TRIM44: variants seen among roughly 807,000 people sequenced by gnomAD.
TRIM44 encodes tripartite motif containing 44.
TRIM44 carries 13 observed loss-of-function variants against 37.4 expected under a neutral mutation model. The observed-to-expected ratio is 0.35, with a 90% CI of 0.23 to 0.55. The LOEUF is 0.55. Among genes scored for constraint, TRIM44 ranks in the 20% least tolerant of loss-of-function variants. The pLI, the probability that TRIM44 is intolerant of heterozygous loss-of-function variation, is 0.89. For missense variants in TRIM44, 426 were observed against 437.2 expected (o/e 0.97, Z 0.23); for synonymous variants, 175 against 157.2 (o/e 1.11, Z -0.85).
At chr11:35,770,543 T>G (rs1565013531) in intron 4 of TRIM44, among the ~76,000 whole-genome samples, 1 of 152,234 alleles carries the variant, frequency 6.6e-6, no homozygotes, top group Non-Finnish European at 1.5e-5. Flanking sequence ...CTCCATAGCC[T>G]CACCAGCATC....
chr11:35,753,528 G>A (rs1026074674), intron 4 of TRIM44, among the ~76,000 whole-genome samples: 5 of 152,128 alleles, frequency 3.3e-5, no homozygotes, highest in African/African-American at 4.8e-5. Flanking sequence ...ATTTTTGCTA[G>A]GAACCAATAT....
At chr11:35,780,241 T>C (rs543820491) in intron 4 of TRIM44, among the ~76,000 whole-genome samples, 1 of 152,352 alleles carries the variant, frequency 6.6e-6, no homozygotes, top group South Asian at 2.1e-4. Context: ...AAAATAGATT[T>C]ATAAGCCTAC....
intron 4 of TRIM44, among the ~76,000 whole-genome samples, chr11:35,742,491 TATATAATTATATTAA>T (rs1470707540): frequency 1.3e-4 from 18 of 134,688 alleles, no homozygotes; most frequent in East Asian, 4.1e-4. Context: ...AATTGTATTA[TATATAATTATATTAA>T]ATATAATTAT....
In TRIM44 at chr11:35,663,651, G is replaced by A. The variant is rs367638428; in HGVS notation, c.540G>A (p.Pro180=). 2 of 1,614,136 alleles carry A rather than the reference G, an allele frequency of 1.2e-6. No homozygotes were observed. Among genetic ancestry groups the A allele is most frequent in the Non-Finnish European group, 1.7e-6 (2 of 1,180,028 alleles). The stretch of plus-strand genomic sequence containing the variant: ...AGAGAGTGGCCAAGAGGAAGTGTCC[G>A]GACCATGGGCTTGATTTGAGTACCT... The part of the protein sequence containing the change: ...EAERVAKRKC[P]DHGLDLSTYC... Residue 180 remains proline (P), a synonymous_variant, in exon 1 of 5, where the codon CCG becomes CCA. Coordinates refer to ENST00000299413, the MANE Select transcript of TRIM44 (RefSeq NM_017583.6).
chr11:35,724,648 A>C (rs1852148336), intron 2 of TRIM44, among the ~76,000 whole-genome samples: 1 of 152,210 alleles, frequency 6.6e-6, no homozygotes, highest in Non-Finnish European at 1.5e-5. Context: ...ATAATTTCTC[A>C]CTTTGTTAGC....
intron 2 of TRIM44, among the ~76,000 whole-genome samples, chr11:35,722,167 A>G (rs904897047): frequency 6.6e-6 from 1 of 152,200 alleles, no homozygotes; most frequent in East Asian, 1.9e-4. Context: ...TTTTAGAACA[A>G]TGGCCTTTCA....
chr11:35,672,269 C>G (rs879464820), intron 1 of TRIM44, among the ~76,000 whole-genome samples: 3 of 152,096 alleles, frequency 2.0e-5, no homozygotes, highest in Non-Finnish European at 2.9e-5. Context: ...AAATGGAACA[C>G]CATTTGCCTT....
chr11:35,751,666 A>C (rs1852561071), intron 4 of TRIM44, among the ~76,000 whole-genome samples: 1 of 152,252 alleles, frequency 6.6e-6, no homozygotes, highest in African/African-American at 2.4e-5. Context: ...TAAACAAGTG[A>C]AATAAGAGTG....
chr11:35,737,055 A>C (rs1249371400), intron 4 of TRIM44, among the ~76,000 whole-genome samples: 2 of 152,196 alleles, frequency 1.3e-5, no homozygotes, highest in African/African-American at 4.8e-5. Flanking sequence ...AGGCTACTTT[A>C]GGAAGGGCTC....
intron 2 of TRIM44, among the ~76,000 whole-genome samples, chr11:35,709,220 A>C (rs1480416105): frequency 6.6e-6 from 1 of 152,198 alleles, no homozygotes; most frequent in Non-Finnish European, 1.5e-5. Flanking sequence ...TTCTACTGTA[A>C]GTTACCTTTA....
chr11:35,703,904 G>A (rs1322836904), intron 2 of TRIM44, among the ~76,000 whole-genome samples: 1 of 152,242 alleles, frequency 6.6e-6, no homozygotes, highest in Non-Finnish European at 1.5e-5. Flanking sequence ...AACAAAGCTG[G>A]ATGGAGAATG....
At chr11:35,775,666 G>A (rs991467305) in intron 4 of TRIM44, among the ~76,000 whole-genome samples, 1 of 152,156 alleles carries the variant, frequency 6.6e-6, no homozygotes, top group Non-Finnish European at 1.5e-5. Flanking sequence ...TTTATGGAGA[G>A]TTTTTAGCAT....
At chr11:35,769,704 T>G (rs1337366312) in intron 4 of TRIM44, among the ~76,000 whole-genome samples, 1 of 152,182 alleles carries the variant, frequency 6.6e-6, no homozygotes, top group African/African-American at 2.4e-5. Context: ...TCCATAACAT[T>G]TAATAACTGC....
At chr11:35,758,819 G>A (rs7934297) in intron 4 of TRIM44, among the ~76,000 whole-genome samples, 8,316 of 152,200 alleles carry the variant, frequency 0.055, 757 homozygotes, top group African/African-American at 0.19. Flanking sequence ...AGAATGTTGA[G>A]TATTGGCCCC....
chr11:35,678,619 T>A (rs895377617), intron 1 of TRIM44, among the ~76,000 whole-genome samples: 29 of 138,380 alleles, frequency 2.1e-4, no homozygotes, highest in South Asian at 8.1e-4. Context: ...CTCCCTCCCC[T>A]CCCCATTCTC....
intron 1 of TRIM44, among the ~76,000 whole-genome samples, chr11:35,674,313 A>G (rs780102691): frequency 1.3e-5 from 2 of 152,062 alleles, no homozygotes; most frequent in African/African-American, 2.4e-5. Context: ...TCAAGTCAAC[A>G]TTGCATCAGG....
chr11:35,798,706 T>C (rs1338421618), intron 4 of TRIM44, among the ~76,000 whole-genome samples: 1 of 152,224 alleles, frequency 6.6e-6, no homozygotes, highest in Non-Finnish European at 1.5e-5. Context: ...TTAGGTATGA[T>C]AAATCCATAC....
intron 2 of TRIM44, among the ~76,000 whole-genome samples, chr11:35,703,261 G>A (rs1337479533): frequency 6.6e-6 from 1 of 152,270 alleles, no homozygotes; most frequent in African/African-American, 2.4e-5. Context: ...CGGGAAGCTT[G>A]AACTGGGTGG....
At chr11:35,704,328 A>C (rs2135503000) in intron 2 of TRIM44, among the ~76,000 whole-genome samples, 1 of 152,350 alleles carries the variant, frequency 6.6e-6, no homozygotes, top group Non-Finnish European at 1.5e-5. Context: ...CAAGTTGGAA[A>C]ACACTCTGCA....
Sources: gnomAD v4.1 joint callset for allele counts (sites outside exome capture counted in the v4.1 genomes callset) on GRCh38, gnomAD v4.1.1 for gene constraint, MANE v1.5 for transcripts, NCBI Gene and HGNC (gene_info 2026-07-23, HGNC 2026-07-21) for gene names.